The following CX3CR1 variants were observed in gnomAD, a reference collection of about 807,000 sequenced individuals.
The protein encoded by CX3CR1 is CX3C chemokine receptor 1.
For synonymous variants in CX3CR1, 168 were observed against 178.5 expected (o/e 0.94, Z 0.47); for missense variants, 363 against 432.4 (o/e 0.84, Z 1.42).
chr3:39,271,146 C>T (rs2040770916), intron 1 of CX3CR1, among the ~76,000 whole-genome samples: 1 of 152,124 alleles, frequency 6.6e-6, no homozygotes, highest in African/African-American at 2.4e-5. Flanking sequence ...GCTCTGCAGG[C>T]CAATGTTCAA....
Position 39,265,188 on chromosome 3 carries a change from G to A in CX3CR1, c.*254C>T, listed in dbSNP as rs2040678050. The A allele has an allele frequency of 7.1e-6, 3 of 423,090 alleles. No individual in the cohort carries two copies. Among genetic ancestry groups the A allele is most frequent in the African/African-American group, 2.0e-5 (1 of 49,738 alleles). The allele number at this position is 423,090 out of a possible 1,614,324, so 26.2% of individuals were successfully genotyped here. On this transcript the variant is annotated 3_prime_UTR_variant, in exon 2 of 2. Transcript: ENST00000399220. The stretch of plus-strand genomic sequence containing the variant: ...CTAAACTAGTCTGAGTTGAATTTTT[G>A]TCATCTGCAAACCAAAAAGTTCTGA...
At chr3:39,267,066 G>A (rs895852565) in intron 1 of CX3CR1, among the ~76,000 whole-genome samples, 19 of 152,200 alleles carry the variant, frequency 1.2e-4, no homozygotes, top group Non-Finnish European at 2.5e-4. Context: ...TTACAGGCGT[G>A]AGCCACAGCG....
intron 1 of CX3CR1, among the ~76,000 whole-genome samples, chr3:39,271,681 G>T (rs1037470029): frequency 6.6e-6 from 1 of 152,202 alleles, no homozygotes; most frequent in Admixed American, 6.5e-5. Flanking sequence ...TGTATTCTGT[G>T]TGCTGGAGCT....
intron 1 of CX3CR1, among the ~76,000 whole-genome samples, chr3:39,273,823 T>C (rs2040807562): frequency 6.6e-6 from 1 of 151,946 alleles, no homozygotes; most frequent in African/African-American, 2.4e-5. Context: ...AGATATGGGG[T>C]CTTACTATGT....
upstream of CX3CR1, among the ~76,000 whole-genome samples, chr3:39,283,797 A>ATATT (rs1213414058): frequency 4.2e-5 from 1 of 23,730 alleles, no homozygotes; most frequent in Admixed American, 3.9e-4. Flanking sequence ...AAAAAAAATT[A>ATATT]TATATATATA....
the CX3CR1 span, among the ~76,000 whole-genome samples, chr3:39,288,490 CCT>C: frequency 1.3e-5 from 2 of 152,206 alleles, no homozygotes; most frequent in African/African-American, 4.8e-5. Context: ...GCCTCTATCC[CCT>C]GAGCTCTGTC....
At chr3:39,270,577 G>A (rs1455612261) in intron 1 of CX3CR1, among the ~76,000 whole-genome samples, 1 of 152,218 alleles carries the variant, frequency 6.6e-6, no homozygotes, top group African/African-American at 2.4e-5. Flanking sequence ...AAAGCTAGGT[G>A]AGGTACCATG....
At chr3:39,289,022 C>T in the CX3CR1 span, among the ~76,000 whole-genome samples, 4 of 152,000 alleles carry the variant, frequency 2.6e-5, no homozygotes, top group South Asian at 2.1e-4. Flanking sequence ...GGCATGGTGG[C>T]GTGCATCTGT....
intron 1 of CX3CR1, among the ~76,000 whole-genome samples, chr3:39,267,505 T>C (rs1320057320): frequency 6.6e-6 from 1 of 152,166 alleles, no homozygotes; most frequent in East Asian, 1.9e-4. Flanking sequence ...CACTCTAGAG[T>C]GACTACCTTG....
At chr3:39,286,386 C>T (rs1030384846), upstream of CX3CR1, 1 of 151,606 alleles carries the variant, frequency 6.6e-6, no homozygotes, top group Non-Finnish European at 1.5e-5. Context: ...CGCGGTGGCT[C>T]ACGCCTGTAA....
rs184524708 is a variant in CX3CR1, at chr3:39,277,764, C to T, written c.-10+2190G>A. Among the ~76,000 whole-genome samples the T allele has an allele frequency of 8.5e-5, 13 of 152,322 alleles. No homozygotes were observed. The East Asian group carries it at 2.5e-3, about 29-fold the overall frequency. ...GGATAGACGATCGTCCTGACTGGGT[C>T]AGCTCTAATACGTTCTTTGCTTTCC... On this transcript the variant is annotated intron_variant, in intron 1 of 1. Transcript: ENST00000399220.
At chr3:39,278,090 C>G (rs1257346071) in intron 1 of CX3CR1, among the ~76,000 whole-genome samples, 2 of 152,320 alleles carry the variant, frequency 1.3e-5, no homozygotes, top group Non-Finnish European at 1.5e-5. Context: ...GGACTTCATT[C>G]CTGACTTCAT....
rs761434711 is a variant in CX3CR1, at chr3:39,266,295, T to C, written c.215A>G (p.Asn72Ser). 6.2e-7 allele frequency: 1 copy of C among 1,614,164 alleles called. No homozygotes were observed. The highest frequency in any genetic ancestry group is 1.7e-5 in the Admixed American group (1 of 60,016). ...AAACAGCAGATCAGACAAGGCCAGG[T>C]TCAGGAGGTAAATGTCGGTGACACT... The part of the protein sequence containing the change: ...PKSVTDIYLL[N>S]LALSDLLFVA... Residue 72 changes from asparagine to serine, a missense_variant, in exon 2 of 2, where the codon AAC becomes AGC. By Grantham distance (46) the Asn-to-Ser change is conservative. Coordinates refer to ENST00000399220, the MANE Select transcript of CX3CR1 (RefSeq NM_001337.4).
chr3:39,285,051 A>G (rs2040935316), upstream of CX3CR1, among the ~76,000 whole-genome samples: 1 of 152,120 alleles, frequency 6.6e-6, no homozygotes, highest in South Asian at 2.1e-4. Flanking sequence ...TTCTCCCTCT[A>G]AGAGGAGAAA....
Position 39,266,372 on chromosome 3 carries a change from C to T in CX3CR1, c.138G>A (p.Leu46=). ...IFYSVIFAIG[L]VGNLLVVFAL... ...CAAACACTACCAACAAATTTCCCACCAGGCCAATGGCAAAGATGACGGAGT... is the reference window on the plus strand; with the variant it reads ...CAAACACTACCAACAAATTTCCCACTAGGCCAATGGCAAAGATGACGGAGT... Residue 46 remains leucine (L), a synonymous_variant, in exon 2 of 2, where the codon CTG becomes CTA. Coordinates refer to ENST00000399220, the MANE Select transcript of CX3CR1 (RefSeq NM_001337.4). The T allele has an allele frequency of 6.2e-7, 1 of 1,614,194 alleles. No homozygotes were observed. The highest frequency in any genetic ancestry group is 8.5e-7 in the Non-Finnish European group (1 of 1,180,036).
intron 1 of CX3CR1, among the ~76,000 whole-genome samples, chr3:39,267,501 A>C (rs1422459537): frequency 6.6e-6 from 1 of 152,212 alleles, no homozygotes; most frequent in Non-Finnish European, 1.5e-5. Flanking sequence ...CATACACTCT[A>C]GAGTGACTAC....
chr3:39,280,098 T>C (rs1030815802), upstream of CX3CR1: 1 of 972,796 alleles, frequency 1.0e-6, no homozygotes, highest in East Asian at 1.1e-4. Context: ...TTGTTTCCTG[T>C]AAGGGAGACT....
upstream of CX3CR1, chr3:39,281,030 G>A (rs1397915629): frequency 2.7e-5 from 26 of 967,040 alleles, no homozygotes; most frequent in Non-Finnish European, 3.2e-5. Context: ...AGCCACATCC[G>A]GTGCTCCCTT....
chr3:39,280,050 C>G, upstream of CX3CR1: 1 of 985,178 alleles, frequency 1.0e-6, no homozygotes, highest in Non-Finnish European at 1.2e-6. Context: ...TTCCTTCCCT[C>G]TAAGAGCATT....
Sources: allele counts gnomAD v4.1 joint callset (sites outside exome capture counted in the v4.1 genomes callset), GRCh38; gene constraint gnomAD v4.1.1; transcripts MANE v1.5; gene names NCBI Gene and HGNC (gene_info 2026-07-23, HGNC 2026-07-21).